The following PRAG1 variants were observed in gnomAD, a reference collection of about 807,000 sequenced individuals.
PRAG1 encodes the protein PEAK1 related, kinase-activating pseudokinase 1.
Under a neutral mutation model 95.6 loss-of-function variants are expected in PRAG1, and 110 were observed. The ratio of observed to expected loss-of-function variants is 1.15; its 90% CI spans 0.99 to 1.35. The LOEUF (loss-of-function observed/expected upper bound fraction) is 1.35. Ranked by LOEUF, PRAG1 falls within the 40% of genes most tolerant of loss-of-function variation. The probability of loss-of-function intolerance (pLI) is 0.00; values close to 1 mark genes in which losing one functional copy is unlikely to be tolerated. For synonymous variants in PRAG1, 1,052 were observed against 819.4 expected, an observed-to-expected ratio of 1.28 and a Z score of -4.85; for missense variants, 2,554 against 1,864.7, an observed-to-expected ratio of 1.37 and a Z score of -6.81.
chr8:8,326,317 A>T (rs1037147137), intron 5 of PRAG1, among the ~76,000 whole-genome samples: 21 of 151,580 alleles, frequency 1.4e-4, no homozygotes, highest in African/African-American at 4.1e-4. Flanking sequence ...ATATTATTTT[A>T]AAAAATTGTT....
At chr8:8,378,227 G>T in intron 2 of PRAG1, 149 bp from the exon 3 acceptor site, 1 of 866,446 alleles carries the variant, frequency 1.2e-6, no homozygotes, top group Non-Finnish European at 1.7e-6. Flanking sequence ...CTCAGTGCAC[G>T]CCCACCTTCT....
intron 4 of PRAG1, among the ~76,000 whole-genome samples, chr8:8,336,870 AC>A: frequency 6.6e-6 from 1 of 150,848 alleles, no homozygotes; most frequent in African/African-American, 2.5e-5. Flanking sequence ...TCCTTATACA[AC>A]TAAAACCTTC....
intron 4 of PRAG1, 90 bp downstream of exon 4, chr8:8,339,388 G>T: frequency 7.2e-7 from 1 of 1,396,498 alleles, no homozygotes; most frequent in Non-Finnish European, 9.9e-7. Context: ...AGTAGTCCTT[G>T]CTCAGCCCTT....
intron 3 of PRAG1, among the ~76,000 whole-genome samples, chr8:8,341,227 C>A (rs1019877811): frequency 3.3e-5 from 5 of 152,054 alleles, no homozygotes; most frequent in Non-Finnish European, 7.4e-5. Flanking sequence ...ACAGAGCTGG[C>A]ACAGCTTCCC....
At chr8:8,380,972 T>A (rs1177017561) in intron 2 of PRAG1, among the ~76,000 whole-genome samples, 1 of 152,048 alleles carries the variant, frequency 6.6e-6, no homozygotes, top group East Asian at 1.9e-4. Flanking sequence ...GGGTTTGCTT[T>A]AAAATCATAG....
rs755920024 is a variant in PRAG1, at chr8:8,328,351, G to A, written c.2431C>T (p.Gln811Ter). Residue 811 changes from glutamine (Q) to a stop codon, truncating the protein, a stop_gained, in exon 5 of 6, where the codon CAG (glutamine) becomes TAG (stop). Coordinates refer to ENST00000615670, the MANE Select transcript of PRAG1 (RefSeq NM_001080826.3). LOFTEE classifies it high-confidence loss of function. The part of the protein sequence containing the change: ...TEDVSPSGPQ[Q>*]PPPLPQKKIV... ...TTTTTCTGGGGGAGTGGAGGGGGCT[G>A]CTGGGGGCCACTGGGGGACACGTCC... The A allele has an allele frequency of 1.2e-6, 2 of 1,613,504 alleles. No homozygotes were observed.
At chr8:8,330,898 T>C (rs549887130) in intron 4 of PRAG1, among the ~76,000 whole-genome samples, 7 of 152,196 alleles carry the variant, frequency 4.6e-5, no homozygotes, top group Admixed American at 1.3e-4. Flanking sequence ...CACCTACTTA[T>C]GAGGCTCTCA....
chr8:8,362,582 G>A (rs1477312755), intron 3 of PRAG1, among the ~76,000 whole-genome samples: 1 of 152,188 alleles, frequency 6.6e-6, no homozygotes, highest in African/African-American at 2.4e-5. Context: ...CTGCCCCAGA[G>A]GAGAATGGGT....
chr8:8,371,131 C>CAAA (rs549978543), intron 3 of PRAG1, among the ~76,000 whole-genome samples: 9 of 81,592 alleles, frequency 1.1e-4, no homozygotes, highest in African/African-American at 2.6e-4. Context: ...GATTCTGTCT[C>CAAA]AAAAAAAAAA....
At chr8:8,363,378 C>G (rs73523442) in intron 3 of PRAG1, among the ~76,000 whole-genome samples, 3,607 of 152,228 alleles carry the variant, frequency 0.024, 140 homozygotes, top group African/African-American at 0.082. Context: ...TGGACTATCA[C>G]TCAACTTTTA....
chr8:8,381,480 T>C lies in PRAG1; in HGVS notation c.268A>G (p.Met90Val), dbSNP rs751994249. Residue 90 changes from methionine (M) to valine (V), a missense_variant, in exon 2 of 6, where the codon ATG becomes GTG. By Grantham distance (21) the Met-to-Val change is conservative. Transcript: ENST00000615670. ...ACATCAGAGGCCTCGGAGCTCATCA[T>C]GGTGGGCTTCACGGCAATTGTGGGC... is the stretch of plus-strand genomic sequence containing the variant. ...SKPTIAVKPT[M>V]MSSEASDVWT... is the part of the protein sequence containing the mutation. The C allele has an allele frequency of 1.2e-6, 2 of 1,614,228 alleles. No homozygotes were observed. Among genetic ancestry groups the C allele is most frequent in the African/African-American group, 1.3e-5 (1 of 75,068 alleles).
chr8:8,343,912 A>G (rs1425278850), intron 3 of PRAG1, among the ~76,000 whole-genome samples: 1 of 152,180 alleles, frequency 6.6e-6, no homozygotes, highest in Non-Finnish European at 1.5e-5. Flanking sequence ...AACCACATTT[A>G]AAAAATGTAA....
Position 8,381,525 on chromosome 8 carries a change from T to C in PRAG1, c.223A>G (p.Asn75Asp). The C allele has an allele frequency of 6.2e-7, 1 of 1,614,226 alleles. No individual in the cohort carries two copies. The highest frequency in any genetic ancestry group is 8.5e-7 in the Non-Finnish European group (1 of 1,180,036). ...ENCRLEDEGV[N>D]SSPYSKPTIA... ...GTGGGCTTGGAGTAAGGTGAGCTGT[T>C]CACACCTTCATCTTCCAGGCGGCAG... Residue 75 changes from asparagine to aspartate, a missense_variant, in exon 2 of 6, where the codon AAC becomes GAC. Asn to Asp is a conservative substitution (Grantham distance 23). Coordinates refer to ENST00000615670, the MANE Select transcript of PRAG1 (RefSeq NM_001080826.3).
chr8:8,371,586 T>A (rs573803676), intron 3 of PRAG1, among the ~76,000 whole-genome samples: 2 of 152,096 alleles, frequency 1.3e-5, no homozygotes, highest in African/African-American at 4.8e-5. Flanking sequence ...AACAAAGACA[T>A]CAGCTGGGCG....
chr8:8,374,879 T>C (rs1470887605), intron 3 of PRAG1: 1 of 163,516 alleles, frequency 6.1e-6, no homozygotes, highest in African/African-American at 2.4e-5. Context: ...TCAATTTCCT[T>C]GTTTCTGACA....
In PRAG1 at chr8:8,365,193, A is replaced by C. The variant is rs112592918; in HGVS notation, c.2162+11054T>G. On this transcript the variant is annotated intron_variant, in intron 3 of 5. Transcript: ENST00000615670. ...AAAACTATAAGTAGTATGTGTTAGG[A>C]AAACAATAGTTTTGTTTTCATCTTC... Among the ~76,000 whole-genome samples the C allele has an allele frequency of 5.9e-3, 898 of 152,308 alleles. 7 individuals carry two copies. The highest frequency in any genetic ancestry group is 0.02 in the African/African-American group (843 of 41,566).
chr8:8,341,937 G>A (rs910839505), intron 3 of PRAG1, among the ~76,000 whole-genome samples: 10 of 152,080 alleles, frequency 6.6e-5, no homozygotes, highest in Non-Finnish European at 5.9e-5. Context: ...GTTCGAGACC[G>A]GCCTGGCCAA....
At chr8:8,320,667 T>A (rs1042123435) in intron 5 of PRAG1, among the ~76,000 whole-genome samples, 1 of 152,326 alleles carries the variant, frequency 6.6e-6, no homozygotes, top group Admixed American at 6.5e-5. Context: ...AAGAAAGGCA[T>A]CTCACATCTA....
At chr8:8,327,620 A>G in intron 5 of PRAG1, 90 bp downstream of exon 5, 1 of 1,408,610 alleles carries the variant, frequency 7.1e-7, no homozygotes, top group Non-Finnish European at 9.6e-7. Flanking sequence ...TAATGCCCAG[A>G]CAGGTGAAAT....
Sources: allele counts gnomAD v4.1 joint callset (sites outside exome capture counted in the v4.1 genomes callset), GRCh38; gene constraint gnomAD v4.1.1; transcripts MANE v1.5; gene names NCBI Gene and HGNC (gene_info 2026-07-23, HGNC 2026-07-21).